Variants in KIF3C observed in about 807,000 individuals in gnomAD.
KIF3C encodes the protein kinesin-like protein KIF3C.
KIF3C carries 12 observed loss-of-function variants against 67.7 expected under a neutral mutation model. The observed-to-expected ratio is 0.18, with a 90% CI of 0.11 to 0.29. The LOEUF (loss-of-function observed/expected upper bound fraction) is 0.29. KIF3C is among the 10% of genes least tolerant of loss of function. The pLI is 1.00. For synonymous variants in KIF3C, 393 were observed against 426.2 expected, an observed-to-expected ratio of 0.92 and a Z score of 0.96; for missense variants, 789 against 1,059.6, an observed-to-expected ratio of 0.74 and a Z score of 3.55.
At position 25,955,802 on chromosome 2, in the gene KIF3C, C is replaced by T. The variant is rs1022348948; in HGVS notation, c.1648-139G>A. On this transcript the variant is annotated intron_variant, in intron 2 of 7. Transcript: ENST00000264712. The surrounding 1 kb of genome is among the most constrained non-coding windows in gnomAD (Gnocchi z 5.0). Reference sequence around the variant, plus strand: ...CCATGGCCCACATCCACTGCTCCCACCCAATCCTGCAGAGCCCCTGGGAAC... The same window carrying T: ...CCATGGCCCACATCCACTGCTCCCATCCAATCCTGCAGAGCCCCTGGGAAC... 9 of 968,038 alleles carry T rather than the reference C, an allele frequency of 9.3e-6. No homozygotes were observed. Among genetic ancestry groups the T allele is most frequent in the Non-Finnish European group, 1.4e-5 (9 of 656,354 alleles). 60.0% of individuals were successfully genotyped at this position (968,038 alleles called of 1,614,324 possible). A position where few individuals can be genotyped will look rare whatever the true frequency, so the allele number is the denominator to read the frequency against.
At chr2:25,970,653 G>A (rs1397336968) in intron 1 of KIF3C, among the ~76,000 whole-genome samples, 2 of 111,114 alleles carry the variant, frequency 1.8e-5, no homozygotes, top group East Asian at 5.5e-4. Flanking sequence ...GGAAACAAGA[G>A]TGAAACTTTG....
chr2:25,932,390 C>T (rs1228826826), intron 5 of KIF3C, among the ~76,000 whole-genome samples: 5 of 150,866 alleles, frequency 3.3e-5, no homozygotes, highest in South Asian at 2.1e-4. Flanking sequence ...CCTCCTGCCT[C>T]GGCCTCCCAA....
At position 25,980,252 on chromosome 2, in the gene KIF3C, G is replaced by T; in HGVS notation, c.1545+121C>A. ...TGGGGGCACATTTGGCAGGAGGGCA[G>T]TGTGCGGTGCTGAGGGAGAACCTCC... On this transcript the variant is annotated intron_variant, in intron 1 of 7. Coordinates refer to ENST00000264712, the MANE Select transcript of KIF3C (RefSeq NM_002254.8). The surrounding 1 kb of genome is among the most constrained non-coding windows in gnomAD (Gnocchi z 7.6). 2.5e-6 allele frequency: 2 copies of T among 790,634 alleles called. No homozygotes were observed. The highest frequency in any genetic ancestry group is 4.0e-6 in the Non-Finnish European group (2 of 505,600). The allele number at this position is 790,634 out of a possible 1,614,324, so 49.0% of individuals were successfully genotyped here.
rs1663783054 is a variant in KIF3C, at chr2:25,955,512, C to G, written c.1770+29G>C. 1 of 1,612,990 alleles carries G rather than the reference C, an allele frequency of 6.2e-7. No homozygotes were observed. Among genetic ancestry groups the G allele is most frequent in the South Asian group, 1.1e-5 (1 of 90,946 alleles). ...CAGAGACTGCTGGGCCTCCAGCACA[C>G]CTTAACCGGTCCTGCTGCAGCGTCT... is the stretch of plus-strand genomic sequence containing the variant. On this transcript the variant is annotated intron_variant, in intron 3 of 7. Transcript: ENST00000264712. The surrounding 1 kb of genome is among the most constrained non-coding windows in gnomAD (Gnocchi z 5.0).
intron 1 of KIF3C, among the ~76,000 whole-genome samples, chr2:25,973,993 T>C (rs1419864658): frequency 6.6e-6 from 1 of 152,242 alleles, no homozygotes; most frequent in Non-Finnish European, 1.5e-5. Context: ...TGGTTTGACA[T>C]AGCAATAATA....
Position 25,963,026 on chromosome 2 carries a change from TAATATATAATATATAATATATA to T in KIF3C, c.1546-6604_1546-6583del, listed in dbSNP as rs1279325515. 7.9e-5 allele frequency among the ~76,000 whole-genome samples: 5 copies of T among 63,078 alleles called. 1 individual carries two copies. The highest frequency in any genetic ancestry group is 4.4e-4 in the African/African-American group (5 of 11,280). 41.4% of individuals were successfully genotyped at this position (63,078 alleles called of 152,430 possible). A position where few individuals can be genotyped will look rare whatever the true frequency, so the allele number is the denominator to read the frequency against. ...TATAATATATAATATATATAATATA[TAATATATAATATATAATATATA>T]AATATATAAATATATATACACACAT... On this transcript the variant is annotated intron_variant, in intron 1 of 7. Coordinates refer to ENST00000264712, the MANE Select transcript of KIF3C (RefSeq NM_002254.8).
At chr2:25,975,957 CA>C (rs916569009) in intron 1 of KIF3C, among the ~76,000 whole-genome samples, 10 of 144,412 alleles carry the variant, frequency 6.9e-5, no homozygotes, top group East Asian at 2.0e-4. Flanking sequence ...GACTCCGCCT[CA>C]AAAAAAAAAC....
chr2:25,951,779 A>G lies in KIF3C; in HGVS notation c.2006+10T>C, dbSNP rs372810379. ...GTCCCCCAGCCCAGACAGCTGGGTT[A>G]GAGACTCACACGCCGGCTGGCACCA... is the stretch of plus-strand genomic sequence containing the variant. On this transcript the variant is annotated intron_variant, in intron 5 of 7. Coordinates refer to ENST00000264712, the MANE Select transcript of KIF3C (RefSeq NM_002254.8). 6.3e-7 allele frequency: 1 copy of G among 1,593,146 alleles called. No homozygotes were observed. The highest frequency in any genetic ancestry group is 8.6e-7 in the Non-Finnish European group (1 of 1,161,664).
chr2:25,962,796 T>TTATATAA (rs1161469831), intron 1 of KIF3C, among the ~76,000 whole-genome samples: 1 of 78,750 alleles, frequency 1.3e-5, no homozygotes, highest in Non-Finnish European at 2.3e-5. Flanking sequence ...ATAATATATA[T>TTATATAA]TATATAATAT....
Position 25,929,324 on chromosome 2 carries a change from C to T in KIF3C, c.2269G>A (p.Val757Ile). 1 of 1,614,120 alleles carries T rather than the reference C, an allele frequency of 6.2e-7. No individual in the cohort carries two copies. The highest frequency in any genetic ancestry group is 1.1e-5 in the South Asian group (1 of 91,080). ...ACTGACCAGGATCTGGACTTTCGGA[C>T]TTTAGACGTGGAAGGTCTTTCCAGA... ...SFLERPSTSK[V>I]RKSRSWCQSP... Residue 757 changes from valine to isoleucine, a missense_variant, in exon 7 of 8, where the codon GTC becomes ATC. This residue lies in a region of KIF3C where 648 missense variants were observed against 807.8 expected (regional missense o/e 0.80). Transcript: ENST00000264712.
intron 1 of KIF3C, among the ~76,000 whole-genome samples, chr2:25,960,490 C>T (rs1295636412): frequency 6.7e-6 from 1 of 149,264 alleles, no homozygotes; most frequent in East Asian, 1.9e-4. Context: ...AATCATTATT[C>T]GTTTACATGC....
At position 25,962,781 on chromosome 2, in the gene KIF3C, TATATATAATATATATTATATA is replaced by T. The variant is rs1418771904; in HGVS notation, c.1546-6358_1546-6338del. On this transcript the variant is annotated intron_variant, in intron 1 of 7. Coordinates refer to ENST00000264712, the MANE Select transcript of KIF3C (RefSeq NM_002254.8). ...TAATATATATATAAAATATATGTTATATATATAATATATATTATATAATATATAATATATATAATATATAAA... is the reference window on the plus strand; with the variant it reads ...TAATATATATATAAAATATATGTTATATATATAATATATATAATATATAAA... Among the ~76,000 whole-genome samples, 33 of 81,574 alleles carry T rather than the reference TATATATAATATATATTATATA, an allele frequency of 4.0e-4. 3 individuals carry two copies. Among genetic ancestry groups the T allele is most frequent in the Non-Finnish European group, 4.5e-5 (2 of 44,598 alleles). 53.5% of individuals were successfully genotyped at this position (81,574 alleles called of 152,430 possible).
intron 1 of KIF3C, 150 bp from the exon 2 acceptor site, chr2:25,956,594 G>A: frequency 1.6e-6 from 1 of 642,616 alleles, no homozygotes; most frequent in East Asian, 2.7e-5. Flanking sequence ...AGGGAGAATG[G>A]AGTTTTCCCC....
In KIF3C at chr2:25,962,981, A is replaced by T. The variant is rs1366313658; in HGVS notation, c.1546-6537T>A. 2.3e-4 allele frequency among the ~76,000 whole-genome samples: 10 copies of T among 44,088 alleles called. 1 individual carries two copies. The highest frequency in any genetic ancestry group is 1.4e-3 in the African/African-American group (8 of 5,566). The allele number at this position is 44,088 out of a possible 152,430, so 28.9% of individuals were successfully genotyped here. A position where few individuals can be genotyped will look rare whatever the true frequency, so the allele number is the denominator to read the frequency against. ...ATAATATATATAATATATAATATAT[A>T]ATATATAATATATATAATATATAAT... On this transcript the variant is annotated intron_variant, in intron 1 of 7. Coordinates refer to ENST00000264712, the MANE Select transcript of KIF3C (RefSeq NM_002254.8).
At chr2:25,965,518 A>G (rs1323595218) in intron 1 of KIF3C, among the ~76,000 whole-genome samples, 1 of 151,710 alleles carries the variant, frequency 6.6e-6, no homozygotes, top group Non-Finnish European at 1.5e-5. Flanking sequence ...TCTGTTGTCC[A>G]GGCTGGAGTG....
intron 1 of KIF3C, among the ~76,000 whole-genome samples, chr2:25,973,624 C>T (rs1195210049): frequency 1.3e-5 from 2 of 151,644 alleles, no homozygotes; most frequent in African/African-American, 4.9e-5. Context: ...AGGTATACAA[C>T]CGTGAAATCA....
In KIF3C at chr2:25,958,134, G is replaced by A. The variant is rs916362102; in HGVS notation, c.1546-1690C>T. 7.4e-4 allele frequency among the ~76,000 whole-genome samples: 112 copies of A among 152,022 alleles called. 1 individual carries two copies. Among genetic ancestry groups the A allele is most frequent in the African/African-American group, 2.6e-3 (107 of 41,364 alleles). On this transcript the variant is annotated intron_variant, in intron 1 of 7. Coordinates refer to ENST00000264712, the MANE Select transcript of KIF3C (RefSeq NM_002254.8). The surrounding 1 kb of genome is among the most constrained non-coding windows in gnomAD (Gnocchi z 4.5). ...GGCCATCAAATCTGCTCCTCAGTGC[G>A]GCTCCCACCACCCCCCATTTTTCAT...
chr2:25,961,017 T>C (rs1663930840), intron 1 of KIF3C, among the ~76,000 whole-genome samples: 1 of 152,234 alleles, frequency 6.6e-6, no homozygotes, highest in Non-Finnish European at 1.5e-5. Context: ...AAGCTCTTCC[T>C]ATTGCAGGGG....
intron 4 of KIF3C, among the ~76,000 whole-genome samples, chr2:25,952,158 G>C (rs1574486613): frequency 6.6e-6 from 1 of 152,088 alleles, no homozygotes; most frequent in Admixed American, 6.6e-5. Flanking sequence ...AAATTAGCTG[G>C]GCGTGGTGGT....
Sources: allele counts gnomAD v4.1 joint callset (sites outside exome capture counted in the v4.1 genomes callset), GRCh38; gene constraint gnomAD v4.1.1; regional missense constraint gnomAD v4.1.1; non-coding constraint Gnocchi (gnomAD v3.1); transcripts MANE v1.5; gene names NCBI Gene and HGNC (gene_info 2026-07-23, HGNC 2026-07-21).